Variants in ADGRL2 observed in about 807,000 individuals in gnomAD.
ADGRL2 encodes the protein calcium-independent alpha-latrotoxin receptor 2.
In ADGRL2, 44 loss-of-function variants were observed where a neutral mutation model predicts 157.4. The ratio of observed to expected loss-of-function variants is 0.28; its 90% CI spans 0.22 to 0.36. The LOEUF (loss-of-function observed/expected upper bound fraction) is 0.36, where lower values mean the gene tolerates loss of function less well. ADGRL2 is among the 10% of genes least tolerant of loss of function. The probability of loss-of-function intolerance (pLI) is 1.00; values close to 1 mark genes in which losing one functional copy is unlikely to be tolerated. For missense variants in ADGRL2, 1,510 were observed against 1,768.9 expected, an observed-to-expected ratio of 0.85 and a Z score of 2.63; for synonymous variants, 585 against 624.7, an observed-to-expected ratio of 0.94 and a Z score of 0.95.
At chr1:81,807,159 A>G (rs1007047723) in intron 1 of ADGRL2, among the ~76,000 whole-genome samples, 1 of 152,046 alleles carries the variant, frequency 6.6e-6, no homozygotes, top group African/African-American at 2.4e-5. Context: ...TTTAGCTACT[A>G]AGAGCTGAAA....
intron 2 of ADGRL2, among the ~76,000 whole-genome samples, chr1:81,553,817 C>T (rs1017957770): frequency 2.6e-5 from 4 of 152,136 alleles, no homozygotes; most frequent in East Asian, 1.9e-4. Context: ...AATGGAGAAA[C>T]GCTTTTAAAG....
intron 1 of ADGRL2, among the ~76,000 whole-genome samples, chr1:81,702,342 T>C (rs2083598940): frequency 1.3e-5 from 2 of 152,182 alleles, no homozygotes; most frequent in African/African-American, 4.8e-5. Flanking sequence ...CTAAAAACTC[T>C]GCCAATGTAC....
At chr1:81,353,032 A>G (rs2100846645) in intron 1 of ADGRL2, among the ~76,000 whole-genome samples, 1 of 152,318 alleles carries the variant, frequency 6.6e-6, no homozygotes, top group Middle Eastern at 3.4e-3. Flanking sequence ...TCTAATGTAT[A>G]ATGAATGCTT....
At chr1:81,614,272 T>C (rs969805324) in intron 3 of ADGRL2, among the ~76,000 whole-genome samples, 2 of 152,156 alleles carry the variant, frequency 1.3e-5, no homozygotes, top group African/African-American at 4.8e-5. Flanking sequence ...GGTACATATA[T>C]GAAGTCCAAA....
intron 1 of ADGRL2, among the ~76,000 whole-genome samples, chr1:81,315,761 G>A (rs910219326): frequency 6.8e-5 from 7 of 102,828 alleles, no homozygotes; most frequent in East Asian, 2.2e-4. Context: ...GCTAGTGATC[G>A]GCAATTAGTT....
intron 2 of ADGRL2, among the ~76,000 whole-genome samples, chr1:81,778,399 A>T (rs1262577961): frequency 6.6e-6 from 1 of 152,124 alleles, no homozygotes; most frequent in Non-Finnish European, 1.5e-5. Context: ...TAAAGTCCTT[A>T]TTAAATGCTT....
chr1:81,412,403 GA>G (rs2076961240), intron 1 of ADGRL2, among the ~76,000 whole-genome samples: 1 of 152,126 alleles, frequency 6.6e-6, no homozygotes, highest in Admixed American at 6.5e-5. Flanking sequence ...TTTTTGTCTA[GA>G]ATTATCTTTC....
intron 2 of ADGRL2, among the ~76,000 whole-genome samples, chr1:81,769,816 A>C (rs558687156): frequency 2.0e-5 from 3 of 150,146 alleles, no homozygotes; most frequent in Non-Finnish European, 1.5e-5. Flanking sequence ...CATATGGTCA[A>C]CTCTTCCATT....
In ADGRL2 at chr1:81,715,379, A is replaced by C. The variant is rs577591980; in HGVS notation, c.-143+15571A>C. On this transcript the variant is annotated intron_variant, in intron 1 of 20. Transcript: ENST00000359929. ...AGCTTTGAACAAACATTTTATGCAG[A>C]CATTAGGTCTAAACAGGAGAAAAAG... is the stretch of plus-strand genomic sequence containing the variant. 9.9e-5 allele frequency among the ~76,000 whole-genome samples: 15 copies of C among 152,274 alleles called. No homozygotes were observed. In the South Asian group the frequency reaches 2.7e-3, roughly 27 times the overall value.
intron 3 of ADGRL2, among the ~76,000 whole-genome samples, chr1:81,931,872 G>A (rs1299162063): frequency 6.6e-6 from 1 of 152,064 alleles, no homozygotes; most frequent in African/African-American, 2.4e-5. Flanking sequence ...GGGCTCAAGA[G>A]ATCCTCCTCC....
intron 1 of ADGRL2, among the ~76,000 whole-genome samples, chr1:81,333,818 C>T (rs192083203): frequency 6.6e-6 from 1 of 151,066 alleles, no homozygotes; most frequent in African/African-American, 2.4e-5. Context: ...TTATAGTGTT[C>T]TGTGGGAGTC....
chr1:81,951,693 G>A (rs1170808694), intron 8 of ADGRL2, among the ~76,000 whole-genome samples: 1 of 152,088 alleles, frequency 6.6e-6, no homozygotes, highest in Non-Finnish European at 1.5e-5. Flanking sequence ...GCAGTGAAAT[G>A]AGAGAACTGG....
At chr1:81,833,676 A>G (rs1384525167) in intron 1 of ADGRL2, among the ~76,000 whole-genome samples, 2 of 152,152 alleles carry the variant, frequency 1.3e-5, no homozygotes, top group East Asian at 3.8e-4. Flanking sequence ...CTTTTAAGTA[A>G]TTTTGCGGAC....
chr1:81,574,007 A>G (rs1188710680), intron 2 of ADGRL2, among the ~76,000 whole-genome samples: 3 of 152,214 alleles, frequency 2.0e-5, no homozygotes, highest in Non-Finnish European at 4.4e-5. Context: ...CGTCTGCTTC[A>G]TAATTGCAAG....
intron 3 of ADGRL2, among the ~76,000 whole-genome samples, chr1:81,691,794 C>T (rs537404112): frequency 2.1e-4 from 32 of 151,218 alleles, no homozygotes; most frequent in African/African-American, 7.5e-4. Flanking sequence ...CCACCATGCC[C>T]AGCCCTCTTT....
intron 1 of ADGRL2, among the ~76,000 whole-genome samples, chr1:81,358,863 C>G (rs1011131886): frequency 2.0e-5 from 3 of 151,352 alleles, no homozygotes; most frequent in Middle Eastern, 6.8e-3. Flanking sequence ...AGAAGAATTA[C>G]CTGGTGGTAG....
At chr1:81,656,825 C>A (rs1229767964) in intron 3 of ADGRL2, among the ~76,000 whole-genome samples, 1 of 151,858 alleles carries the variant, frequency 6.6e-6, no homozygotes. Context: ...GCCTGGGCAA[C>A]ATGGCAAAAC....
chr1:81,593,126 T>C (rs1557489665), intron 3 of ADGRL2, among the ~76,000 whole-genome samples: 1 of 152,224 alleles, frequency 6.6e-6, no homozygotes, highest in African/African-American at 2.4e-5. Context: ...ATAGGTGTTA[T>C]CACTTTTCTT....
intron 2 of ADGRL2, chr1:81,503,119 G>A (rs1430011208): frequency 6.2e-7 from 1 of 1,613,250 alleles, no homozygotes; most frequent in East Asian, 2.2e-5. Context: ...GTCTGAGGAG[G>A]AGCAGCGCCT....
Sources: gnomAD v4.1 joint callset for allele counts (sites outside exome capture counted in the v4.1 genomes callset) on GRCh38, gnomAD v4.1.1 for gene constraint, MANE v1.5 for transcripts, NCBI Gene and HGNC (gene_info 2026-07-23, HGNC 2026-07-21) for gene names.